The following IL16 variants were observed in gnomAD, a reference collection of about 807,000 sequenced individuals.
The protein encoded by IL16 is pro-interleukin-16.
Under a neutral mutation model 110.1 loss-of-function variants are expected in IL16, and 67 were observed. The observed-to-expected ratio is 0.61, with a 90% CI of 0.50 to 0.75. IL16 has a LOEUF of 0.75. Ranked by LOEUF, IL16 falls within the 30% of genes least tolerant of loss-of-function variation. IL16 has a pLI of 0.00. For missense variants in IL16, 1,545 were observed against 1,655.0 expected (o/e 0.93, Z 1.15); for synonymous variants, 689 against 662.9 (o/e 1.04, Z -0.61).
At chr15:81,235,076 C>T (rs1364773038) in intron 2 of IL16, among the ~76,000 whole-genome samples, 1 of 152,116 alleles carries the variant, frequency 6.6e-6, no homozygotes, top group East Asian at 1.9e-4. Context: ...CTAATCACTG[C>T]CCCCATGCCC....
Position 81,292,837 on chromosome 15 carries a change from C to T in IL16, c.1702C>T (p.Pro568Ser), listed in dbSNP as rs1899799841. 5.0e-6 allele frequency: 8 copies of T among 1,613,894 alleles called. No individual in the cohort carries two copies. The highest frequency in any genetic ancestry group is 1.7e-5 in the Admixed American group (1 of 59,988). Reference protein sequence around the residue: ...ASSRLPQESPPLPESRDSHPP... With the variant: ...ASSRLPQESPSLPESRDSHPP... Reference sequence around the variant, plus strand: ...CTCCAGGCTGCCCCAGGAGAGCCCACCCCTCCCAGAGAGCCGGGACAGCCA... The same window carrying T: ...CTCCAGGCTGCCCCAGGAGAGCCCATCCCTCCCAGAGAGCCGGGACAGCCA... The change falls in exon 12 of 19, where the codon CCC becomes TCC. Residue 568 changes from proline (P) to serine (S), a missense_variant. This residue lies in a region of IL16 where 1,185 missense variants were observed against 1,238.8 expected (regional missense o/e 0.96). Coordinates refer to ENST00000683961, the MANE Select transcript of IL16 (RefSeq NM_172217.5).
chr15:81,280,935 AAACACCTTAGGGAGG>A (rs1899145302), intron 8 of IL16, among the ~76,000 whole-genome samples: 1 of 152,204 alleles, frequency 6.6e-6, no homozygotes, highest in Non-Finnish European at 1.5e-5. Flanking sequence ...CTGGCATCAG[AAACACCTTAGGGAGG>A]ATTTTTGTTT....
At chr15:81,280,597 G>T (rs1273768763) in intron 8 of IL16, among the ~76,000 whole-genome samples, 3 of 152,230 alleles carry the variant, frequency 2.0e-5, no homozygotes, top group Non-Finnish European at 4.4e-5. Flanking sequence ...AGCCATTTGG[G>T]TCAGGGATTG....
chr15:81,257,865 T>G (rs1474498821), intron 2 of IL16, among the ~76,000 whole-genome samples: 1 of 152,206 alleles, frequency 6.6e-6, no homozygotes, highest in East Asian at 1.9e-4. Flanking sequence ...TTAAGCCATC[T>G]AGTTTCCAAG....
At chr15:81,186,374 T>A (rs2141910091) in intron 1 of IL16, among the ~76,000 whole-genome samples, 1 of 152,368 alleles carries the variant, frequency 6.6e-6, no homozygotes, top group African/African-American at 2.4e-5. Flanking sequence ...CAGGACAGAT[T>A]TGAACACAGG....
At chr15:81,208,025 C>T (rs541443057) in intron 1 of IL16, among the ~76,000 whole-genome samples, 14 of 152,200 alleles carry the variant, frequency 9.2e-5, no homozygotes, top group Non-Finnish European at 2.1e-4. Context: ...TCCTCTGCAA[C>T]CTCACCAGCA....
At chr15:81,291,677 G>A (rs1376016273) in intron 11 of IL16, among the ~76,000 whole-genome samples, 1 of 152,068 alleles carries the variant, frequency 6.6e-6, no homozygotes, top group African/African-American at 2.4e-5. Flanking sequence ...AGGATGTGTG[G>A]GTAGCCCTAG....
intron 2 of IL16, among the ~76,000 whole-genome samples, chr15:81,236,601 G>A (rs1185556541): frequency 1.3e-5 from 2 of 152,156 alleles, no homozygotes; most frequent in African/African-American, 4.8e-5. Flanking sequence ...TTGGCCTTTT[G>A]AATTTCATTA....
rs150889735 is a variant in IL16 at position 81,212,089 on chromosome 15, A to C, written c.-101-13210A>C. The stretch of plus-strand genomic sequence containing the variant: ...GGTAGGATTGATACCAGTTCTTTGT[A>C]CATCTGGCAGAATTTGGCTGTGAAT... On this transcript the variant is annotated intron_variant, in intron 1 of 18. Coordinates refer to ENST00000683961, the MANE Select transcript of IL16 (RefSeq NM_172217.5). 3.8e-3 allele frequency among the ~76,000 whole-genome samples: 574 copies of C among 151,080 alleles called. 2 individuals carry two copies. Among genetic ancestry groups the C allele is most frequent in the Non-Finnish European group, 5.0e-3 (342 of 67,840 alleles).
rs1458023561 is a variant in IL16, at chr15:81,282,651, G to T, written c.1094G>T (p.Gly365Val). The change falls in exon 9 of 19, where the codon GGC (glycine) becomes GTC (valine). Residue 365 changes from glycine (G) to valine (V), a missense_variant. Coordinates refer to ENST00000683961, the MANE Select transcript of IL16 (RefSeq NM_172217.5). Reference protein sequence around the residue: ...EVSLQKEAGVGLGIGLCSVPY... With the variant: ...EVSLQKEAGVVLGIGLCSVPY... The stretch of plus-strand genomic sequence containing the variant: ...GTTCTGCTTCCAGAGGCCGGCGTGG[G>T]CCTGGGCATCGGCCTGTGCAGCGTT... The T allele has an allele frequency of 4.3e-6, 7 of 1,612,740 alleles. No homozygotes were observed. Among genetic ancestry groups the T allele is most frequent in the African/African-American group, 2.7e-5 (2 of 74,936 alleles).
At position 81,299,601 on chromosome 15, in the gene IL16, C is replaced by T. The variant is rs1194505226; in HGVS notation, c.2275C>T (p.Pro759Ser). The change falls in exon 14 of 19, where the codon CCA becomes TCA. Residue 759 changes from proline to serine, a missense_variant. Transcript: ENST00000683961. ...ACAGGGCCACCCAGATGGGACCCCA[C>T]CAAAGCTGGACACCGCCAATGGCAC... is the stretch of plus-strand genomic sequence containing the variant. ...GTQGHPDGTPPKLDTANGTPK... is the reference protein window; with the variant it reads ...GTQGHPDGTPSKLDTANGTPK... 1 of 1,614,192 alleles carries T rather than the reference C, an allele frequency of 6.2e-7. No individual in the cohort carries two copies.
chr15:81,309,016 A>G lies in IL16; in HGVS notation c.*218A>G. On this transcript the variant is annotated 3_prime_UTR_variant, in exon 19 of 19. Transcript: ENST00000683961. ...AGTCACACGGGGGCAGCTGATACAA[A>G]TTGCAGACTGTGTAAAAAGAGAGCT... 1 of 477,096 alleles carries G rather than the reference A, an allele frequency of 2.1e-6. No individual in the cohort carries two copies. 29.6% of individuals were successfully genotyped at this position (477,096 alleles called of 1,614,324 possible).
intron 2 of IL16, among the ~76,000 whole-genome samples, chr15:81,228,015 GA>G (rs2142047229): frequency 6.6e-6 from 1 of 152,272 alleles, no homozygotes; most frequent in African/African-American, 2.4e-5. Context: ...AAATGGTCAG[GA>G]AAATGGTGAG....
chr15:81,219,653 A>C (rs1567001396), intron 1 of IL16, among the ~76,000 whole-genome samples: 1 of 152,182 alleles, frequency 6.6e-6, no homozygotes, highest in Admixed American at 6.5e-5. Context: ...TCTGAGGAGC[A>C]GCATTGAGAA....
chr15:81,209,283 AG>A (rs1183621295), intron 1 of IL16, among the ~76,000 whole-genome samples: 9 of 152,090 alleles, frequency 5.9e-5, no homozygotes, highest in African/African-American at 2.2e-4. Flanking sequence ...CAGTGTGGGG[AG>A]GGGCGTCCTG....
At chr15:81,203,336 T>C (rs1434041190) in intron 1 of IL16, among the ~76,000 whole-genome samples, 1 of 152,220 alleles carries the variant, frequency 6.6e-6, no homozygotes, top group East Asian at 1.9e-4. Context: ...TTAGATCCCA[T>C]TGGTCAATTT....
In IL16 at chr15:81,306,941, G is replaced by A. The variant is rs1309740719; in HGVS notation, c.3805+396G>A. ...AAAATTAATTTTAAAAAAACATGTT[G>A]GACAAAATATCCAAGTTTAAATCAA... is the stretch of plus-strand genomic sequence containing the variant. On this transcript the variant is annotated intron_variant, in intron 18 of 18. Coordinates refer to ENST00000683961, the MANE Select transcript of IL16 (RefSeq NM_172217.5). The A allele has an allele frequency of 9.7e-6, 3 of 308,012 alleles. No homozygotes were observed. The East Asian group carries it at 2.7e-4, about 27-fold the overall frequency. The allele number at this position is 308,012 out of a possible 1,614,324, so 19.1% of individuals were successfully genotyped here.
At chr15:81,251,321 C>G (rs1008079190) in intron 2 of IL16, among the ~76,000 whole-genome samples, 6 of 152,124 alleles carry the variant, frequency 3.9e-5, no homozygotes, top group African/African-American at 1.2e-4. Context: ...TTCGTACCAC[C>G]ACACTGGCAA....
chr15:81,282,158 C>G (rs1466980955), intron 8 of IL16, among the ~76,000 whole-genome samples: 1 of 152,220 alleles, frequency 6.6e-6, no homozygotes, highest in Non-Finnish European at 1.5e-5. Context: ...CCTTTCTGGT[C>G]CTGCAACATG....
Sources: gnomAD v4.1 joint callset for allele counts (sites outside exome capture counted in the v4.1 genomes callset) on GRCh38, gnomAD v4.1.1 for gene constraint, gnomAD v4.1.1 regional missense constraint, MANE v1.5 for transcripts, NCBI Gene and HGNC (gene_info 2026-07-23, HGNC 2026-07-21) for gene names.